Variants in MAP2K5 observed in about 807,000 individuals in gnomAD.
The protein encoded by MAP2K5 is mitogen-activated protein kinase kinase 5.
A neutral mutation model predicts 83.1 loss-of-function variants in MAP2K5; 49 were observed. The ratio of observed to expected loss-of-function variants is 0.59; its 90% CI spans 0.47 to 0.75. MAP2K5 has a LOEUF of 0.75. MAP2K5 is among the 30% of genes least tolerant of loss of function. The pLI, the probability that MAP2K5 is intolerant of heterozygous loss-of-function variation, is 0.00. For synonymous variants in MAP2K5, 202 were observed against 191.8 expected (o/e 1.05, Z -0.44); for missense variants, 457 against 557.5 (o/e 0.82, Z 1.82).
At position 67,777,060 on chromosome 15, in the gene MAP2K5, A is replaced by G. The variant is rs1447599021; in HGVS notation, c.1242+4308A>G. ...TTTTCAAAGGGGACCCTGACCCTCA[A>G]TGATTGTTAAGCTCCCTTGCTTCTG... On this transcript the variant is annotated intron_variant, in intron 21 of 21. Coordinates refer to ENST00000178640, the MANE Select transcript of MAP2K5 (RefSeq NM_145160.3). This position sits in a 1 kb window ranked among gnomAD's most constrained non-coding sequence, Gnocchi z 6.0. 2.6e-5 allele frequency among the ~76,000 whole-genome samples: 4 copies of G among 152,222 alleles called. No homozygotes were observed. The highest frequency in any genetic ancestry group is 4.8e-5 in the African/African-American group (2 of 41,460).
intron 13 of MAP2K5, among the ~76,000 whole-genome samples, chr15:67,669,358 G>A (rs1190730349): frequency 1.3e-5 from 2 of 152,056 alleles, no homozygotes; most frequent in Admixed American, 6.6e-5. Context: ...GGAAGCAAAG[G>A]GTAGGTTGCG....
In MAP2K5 at chr15:67,775,819, C is replaced by T. The variant is rs902726658; in HGVS notation, c.1242+3067C>T. ...GGATGGGCAAAGCATGAGTGTATCT[C>T]GGTTTCAGACATTTTCAGAGCAATG... On this transcript the variant is annotated intron_variant, in intron 21 of 21. Coordinates refer to ENST00000178640, the MANE Select transcript of MAP2K5 (RefSeq NM_145160.3). This position sits in a 1 kb window ranked among gnomAD's most constrained non-coding sequence, Gnocchi z 5.3. Among the ~76,000 whole-genome samples, 3 of 152,262 alleles carry T rather than the reference C, an allele frequency of 2.0e-5. No individual in the cohort carries two copies. The highest frequency in any genetic ancestry group is 1.9e-4 in the East Asian group (1 of 5,184).
intron 21 of MAP2K5, among the ~76,000 whole-genome samples, chr15:67,805,095 G>T (rs2090776300): frequency 6.6e-6 from 1 of 152,176 alleles, no homozygotes; most frequent in African/African-American, 2.4e-5. Context: ...TGGGCTCCAG[G>T]CCTAGCTCCA....
At chr15:67,612,261 A>G (rs2085942113) in intron 8 of MAP2K5, among the ~76,000 whole-genome samples, 1 of 152,028 alleles carries the variant, frequency 6.6e-6, no homozygotes, top group African/African-American at 2.4e-5. Flanking sequence ...TGACACCGTT[A>G]AGTTTTAATC....
chr15:67,643,885 A>G (rs751771565), intron 9 of MAP2K5, among the ~76,000 whole-genome samples: 3 of 152,222 alleles, frequency 2.0e-5, no homozygotes, highest in Non-Finnish European at 4.4e-5. Context: ...TTAGCAGTTT[A>G]TAATGCATAA....
At chr15:67,649,216 GT>G (rs1376367906) in intron 11 of MAP2K5, among the ~76,000 whole-genome samples, 1 of 152,012 alleles carries the variant, frequency 6.6e-6, no homozygotes, top group Non-Finnish European at 1.5e-5. Flanking sequence ...CAAATCCTTT[GT>G]CTATTTTTTA....
chr15:67,569,146 C>T (rs1047446981), intron 3 of MAP2K5, among the ~76,000 whole-genome samples: 2 of 151,964 alleles, frequency 1.3e-5, no homozygotes, highest in African/African-American at 4.8e-5. Context: ...TTAATAGCAT[C>T]AGGGCCTTAG....
intron 13 of MAP2K5, among the ~76,000 whole-genome samples, chr15:67,666,258 C>T (rs1304126467): frequency 2.0e-5 from 3 of 152,156 alleles, no homozygotes; most frequent in African/African-American, 7.2e-5. Context: ...GCACAAAGAA[C>T]TATAGTGGAT....
At chr15:67,632,207 C>G (rs1207753473) in intron 9 of MAP2K5, among the ~76,000 whole-genome samples, 1 of 151,652 alleles carries the variant, frequency 6.6e-6, no homozygotes, top group East Asian at 1.9e-4. Context: ...CCAAGAGATC[C>G]TCCTACTTCA....
chr15:67,593,067 C>CT, intron 7 of MAP2K5, 93 bp downstream of exon 7: 1 of 773,072 alleles, frequency 1.3e-6, no homozygotes, highest in South Asian at 1.8e-5. Flanking sequence ...GATAAAGAGT[C>CT]TGTGAGTTTC....
At chr15:67,731,728 T>G (rs755647036) in intron 17 of MAP2K5, among the ~76,000 whole-genome samples, 11 of 152,222 alleles carry the variant, frequency 7.2e-5, no homozygotes, top group African/African-American at 2.2e-4. Flanking sequence ...TAGGCAGGAA[T>G]GGGTACAGTT....
In MAP2K5 at chr15:67,807,079, C is replaced by A; in HGVS notation, c.*329C>A. Reference sequence around the variant, plus strand: ...TATAAAGGGTCAGGCCCGTCAGCATCACTGATGGGAATAAAAGTATTAATG... The same window carrying A: ...TATAAAGGGTCAGGCCCGTCAGCATAACTGATGGGAATAAAAGTATTAATG... On this transcript the variant is annotated 3_prime_UTR_variant, in exon 22 of 22. Transcript: ENST00000178640. This position sits in a 1 kb window ranked among gnomAD's most constrained non-coding sequence, Gnocchi z 5.1. 1.4e-6 allele frequency: 1 copy of A among 730,214 alleles called. No individual in the cohort carries two copies. Among genetic ancestry groups the A allele is most frequent in the Non-Finnish European group, 2.0e-6 (1 of 497,068 alleles). 45.2% of individuals were successfully genotyped at this position (730,214 alleles called of 1,614,324 possible).
At chr15:67,601,374 T>C (rs959840301) in intron 8 of MAP2K5, among the ~76,000 whole-genome samples, 1 of 152,236 alleles carries the variant, frequency 6.6e-6, no homozygotes, top group Non-Finnish European at 1.5e-5. Flanking sequence ...GGTCTTCTCA[T>C]GCAGTAGTGC....
chr15:67,547,173 G>A (rs1166614880), intron 1 of MAP2K5, among the ~76,000 whole-genome samples: 1 of 151,608 alleles, frequency 6.6e-6, no homozygotes, highest in East Asian at 1.9e-4. Flanking sequence ...ACTATTGGCT[G>A]TTTATGTCTT....
intron 1 of MAP2K5, among the ~76,000 whole-genome samples, chr15:67,547,862 T>TA (rs1235661065): frequency 6.6e-6 from 1 of 152,230 alleles, no homozygotes; most frequent in African/African-American, 2.4e-5. Flanking sequence ...AAAATGTATA[T>TA]AAAATCATCA....
chr15:67,799,376 C>T (rs2090662435), intron 21 of MAP2K5, among the ~76,000 whole-genome samples: 1 of 152,240 alleles, frequency 6.6e-6, no homozygotes, highest in Non-Finnish European at 1.5e-5. Context: ...GGAGGAATAA[C>T]CCTCACCTGC....
At chr15:67,606,440 T>A (rs7179975) in intron 8 of MAP2K5, among the ~76,000 whole-genome samples, 126,785 of 152,100 alleles carry the variant, frequency 0.83, 53,692 homozygotes, top group Middle Eastern at 0.93. Flanking sequence ...ACTGCCTTCA[T>A]GGTGTTTTGA....
At chr15:67,797,343 A>G (rs2090622261) in intron 21 of MAP2K5, among the ~76,000 whole-genome samples, 1 of 152,244 alleles carries the variant, frequency 6.6e-6, no homozygotes, top group Admixed American at 6.5e-5. Flanking sequence ...TTTCTGAAGT[A>G]CATCAAGAGT....
chr15:67,633,837 A>G (rs67821440), intron 9 of MAP2K5, among the ~76,000 whole-genome samples: 21,295 of 152,236 alleles, frequency 0.14, 1,591 homozygotes, highest in East Asian at 0.22. Flanking sequence ...TATAATAGTC[A>G]TAATCTAAGA....
Sources: gnomAD v4.1 joint callset for allele counts (sites outside exome capture counted in the v4.1 genomes callset) on GRCh38, gnomAD v4.1.1 for gene constraint, Gnocchi (gnomAD v3.1) non-coding constraint, MANE v1.5 for transcripts, NCBI Gene and HGNC (gene_info 2026-07-23, HGNC 2026-07-21) for gene names.